Variants in AFAP1L2 observed in about 807,000 individuals in gnomAD.
AFAP1L2 encodes the protein actin filament-associated protein 1-like 2.
In AFAP1L2, 46 loss-of-function variants were observed where a neutral mutation model predicts 99.3. The ratio of observed to expected loss-of-function variants is 0.46; its 90% CI spans 0.37 to 0.59. The LOEUF (loss-of-function observed/expected upper bound fraction) is 0.59, where lower values mean the gene tolerates loss of function less well. Ranked by LOEUF, AFAP1L2 falls within the 20% of genes least tolerant of loss-of-function variation. AFAP1L2 has a pLI of 0.00. For synonymous variants in AFAP1L2, 397 were observed against 419.1 expected, an observed-to-expected ratio of 0.95 and a Z score of 0.64; for missense variants, 959 against 1,034.9, an observed-to-expected ratio of 0.93 and a Z score of 1.01.
intron 1 of AFAP1L2, among the ~76,000 whole-genome samples, chr10:114,348,269 T>C (rs1426121416): frequency 6.6e-6 from 1 of 152,206 alleles, no homozygotes; most frequent in Non-Finnish European, 1.5e-5. Flanking sequence ...TAAACGCTCC[T>C]GTTTTTACTG....
At chr10:114,404,957 C>G (rs890166764), upstream of AFAP1L2, among the ~76,000 whole-genome samples, 1 of 152,178 alleles carries the variant, frequency 6.6e-6, no homozygotes, top group Non-Finnish European at 1.5e-5. Context: ...GCTCCTCGCG[C>G]TTGGCTCCCG....
intron 1 of AFAP1L2, among the ~76,000 whole-genome samples, chr10:114,385,873 A>G (rs774228556): frequency 2.6e-5 from 4 of 152,208 alleles, no homozygotes; most frequent in Admixed American, 1.3e-4. Context: ...TAGCCACTCC[A>G]GGGAGGCTGC....
Position 114,300,671 on chromosome 10 carries a change from G to A in AFAP1L2, c.1562C>T (p.Ala521Val). 6.3e-7 allele frequency: 1 copy of A among 1,598,728 alleles called. No homozygotes were observed. The highest frequency in any genetic ancestry group is 8.5e-7 in the Non-Finnish European group (1 of 1,171,598). ...LTAAVEPTEE[A>V]TPVADDPNER... ...ATTTGGGTCATCTGCAACAGGGGTG[G>A]CTTCCTCGGTAGGCTCCACCTGCAG... is the stretch of plus-strand genomic sequence containing the variant. Residue 521 changes from alanine (A) to valine (V), a missense_variant, in exon 14 of 19, where the codon GCC (alanine) becomes GTC (valine). Ala to Val is a moderately conservative substitution (Grantham distance 64). Coordinates refer to ENST00000304129, the MANE Select transcript of AFAP1L2 (RefSeq NM_001001936.3).
chr10:114,282,375 A>G, the AFAP1L2 span: 1 of 685,274 alleles, frequency 1.5e-6, no homozygotes, highest in East Asian at 2.7e-5. Flanking sequence ...TTAGGGTAGA[A>G]TCAAGAAACA....
the AFAP1L2 span, chr10:114,281,824 A>G: frequency 1.1e-6 from 1 of 874,608 alleles, no homozygotes; most frequent in Non-Finnish European, 1.4e-6. Context: ...CAAAGAGGAA[A>G]GTGAAGACCA....
intron 5 of AFAP1L2, among the ~76,000 whole-genome samples, chr10:114,318,739 T>TTAAAAAAAAAAAA (rs2044552955): frequency 2.2e-5 from 2 of 91,072 alleles, no homozygotes; most frequent in African/African-American, 6.9e-5. Flanking sequence ...AGACTCTGTC[T>TTAAAAAAAAAAAA]AAAAAAAAGA....
At chr10:114,342,469 A>G (rs927987217) in intron 1 of AFAP1L2, among the ~76,000 whole-genome samples, 1 of 152,216 alleles carries the variant, frequency 6.6e-6, no homozygotes, top group African/African-American at 2.4e-5. Context: ...AAATCTGTGA[A>G]TATGCTACTT....
chr10:114,397,803 A>T (rs1450599169), intron 1 of AFAP1L2, among the ~76,000 whole-genome samples: 1 of 152,124 alleles, frequency 6.6e-6, no homozygotes, highest in African/African-American at 2.4e-5. Context: ...CAGAAGGCTG[A>T]TTTGCAGTGT....
intron 1 of AFAP1L2, among the ~76,000 whole-genome samples, chr10:114,348,553 T>G (rs1590393460): frequency 6.6e-6 from 1 of 152,244 alleles, no homozygotes; most frequent in Non-Finnish European, 1.5e-5. Context: ...GCCCCTCTGC[T>G]GGGCACTTCT....
chr10:114,354,634 T>C (rs955917450), intron 1 of AFAP1L2, among the ~76,000 whole-genome samples: 1 of 152,142 alleles, frequency 6.6e-6, no homozygotes, highest in Non-Finnish European at 1.5e-5. Flanking sequence ...ATTTGCTATA[T>C]GGGCTTTGGG....
At position 114,302,925 on chromosome 10, in the gene AFAP1L2, T is replaced by C. The variant is rs2041475609; in HGVS notation, c.1285-441A>G. ...CCCCCAATCCCATATACAACAAGACTTCCTGGATCCCCAAGAAATAACAAC... is the reference window on the plus strand; with the variant it reads ...CCCCCAATCCCATATACAACAAGACCTCCTGGATCCCCAAGAAATAACAAC... On this transcript the variant is annotated intron_variant, in intron 11 of 18. Coordinates refer to ENST00000304129, the MANE Select transcript of AFAP1L2 (RefSeq NM_001001936.3). 2.6e-5 allele frequency among the ~76,000 whole-genome samples: 4 copies of C among 152,314 alleles called. No individual in the cohort carries two copies. In the South Asian group the frequency reaches 8.3e-4, roughly 32 times the overall value.
intron 9 of AFAP1L2, among the ~76,000 whole-genome samples, chr10:114,308,133 G>T (rs1005538852): frequency 5.9e-5 from 9 of 152,158 alleles, no homozygotes; most frequent in Non-Finnish European, 1.2e-4. Flanking sequence ...GGGGTACACA[G>T]ACTTCTTATA....
chr10:114,342,361 C>A (rs1267960267), intron 1 of AFAP1L2, among the ~76,000 whole-genome samples: 1 of 152,216 alleles, frequency 6.6e-6, no homozygotes, highest in African/African-American at 2.4e-5. Context: ...TCCTGAGACA[C>A]CTTCTCTGGG....
chr10:114,368,483 G>T (rs1475889253), intron 1 of AFAP1L2, among the ~76,000 whole-genome samples: 1 of 152,028 alleles, frequency 6.6e-6, no homozygotes, highest in Non-Finnish European at 1.5e-5. Context: ...GCAATGGCAG[G>T]ATCATGGCTC....
At chr10:114,300,089 T>A in intron 15 of AFAP1L2, 105 bp downstream of exon 15, 1 of 1,488,932 alleles carries the variant, frequency 6.7e-7, no homozygotes, top group Non-Finnish European at 9.1e-7. Flanking sequence ...CAATTCTCCT[T>A]AATAAACGCC....
At chr10:114,369,423 G>A (rs1590641453) in intron 1 of AFAP1L2, among the ~76,000 whole-genome samples, 2 of 151,912 alleles carry the variant, frequency 1.3e-5, no homozygotes, top group African/African-American at 2.4e-5. Context: ...GTGAAACCCC[G>A]TCTCTACTAA....
chr10:114,364,494 G>A (rs1172341132), intron 1 of AFAP1L2, among the ~76,000 whole-genome samples: 1 of 151,938 alleles, frequency 6.6e-6, no homozygotes, highest in Non-Finnish European at 1.5e-5. Flanking sequence ...TCCCATCTCT[G>A]CCTCTGTTGT....
chr10:114,282,656 CAG>C, the AFAP1L2 span: 1 of 1,236,978 alleles, frequency 8.1e-7, no homozygotes, highest in East Asian at 2.3e-5. Context: ...AATCCTGGGA[CAG>C]AGGGTGGGGT....
At chr10:114,363,017 A>C in intron 1 of AFAP1L2, 2 of 985,394 alleles carry the variant, frequency 2.0e-6, no homozygotes, top group Non-Finnish European at 2.4e-6. Flanking sequence ...GGACAGCTGC[A>C]TGGAGCCCAC....
Sources: allele counts gnomAD v4.1 joint callset (sites outside exome capture counted in the v4.1 genomes callset), GRCh38; gene constraint gnomAD v4.1.1; transcripts MANE v1.5; gene names NCBI Gene and HGNC (gene_info 2026-07-23, HGNC 2026-07-21).